AOPEP: variants seen among roughly 807,000 people sequenced by gnomAD.
AOPEP encodes the protein aminopeptidase O (putative), also known as aminopeptidase O.
AOPEP carries 77 observed loss-of-function variants against 98.1 expected under a neutral mutation model. The observed-to-expected ratio is 0.78, with a 90% CI of 0.65 to 0.95. The LOEUF (loss-of-function observed/expected upper bound fraction) is 0.95. AOPEP is among the 40% of genes least tolerant of loss of function. AOPEP has a pLI of 0.00. For missense variants in AOPEP, 1,024 were observed against 1,024.7 expected (o/e 1.00, Z 0.01); for synonymous variants, 346 against 365.3 (o/e 0.95, Z 0.60).
chr9:95,046,392 C>A (rs1188685220), intron 13 of AOPEP, among the ~76,000 whole-genome samples: 1 of 152,110 alleles, frequency 6.6e-6, no homozygotes, highest in Admixed American at 6.5e-5. Context: ...TTACTTTTGC[C>A]AAGAATGTTT....
chr9:94,964,209 G>T (rs975186558), intron 9 of AOPEP, among the ~76,000 whole-genome samples: 14 of 152,172 alleles, frequency 9.2e-5, no homozygotes, highest in African/African-American at 3.1e-4. Flanking sequence ...CCCCAGCATC[G>T]CTGGCAGCCT....
chr9:95,114,588 C>A, the AOPEP span: 2 of 1,551,872 alleles, frequency 1.3e-6, no homozygotes, highest in South Asian at 1.1e-5. Context: ...CTAGGGAAAC[C>A]ATGTGTGAAG....
intron 5 of AOPEP, among the ~76,000 whole-genome samples, chr9:94,834,745 A>T (rs952622879): frequency 6.6e-6 from 1 of 152,198 alleles, no homozygotes; most frequent in Non-Finnish European, 1.5e-5. Flanking sequence ...GTGAACAGAG[A>T]TTGCACCATT....
chr9:95,128,552 T>A, the AOPEP span, among the ~76,000 whole-genome samples: 1 of 152,202 alleles, frequency 6.6e-6, no homozygotes. Flanking sequence ...AAAATGATGA[T>A]CAGATGTAGA....
rs1280358711 is a variant in AOPEP, at chr9:94,753,850, G to C, written c.-135-5799G>C. Among the ~76,000 whole-genome samples, 3 of 152,242 alleles carry C rather than the reference G, an allele frequency of 2.0e-5. No homozygotes were observed. The East Asian group carries it at 5.8e-4, about 29-fold the overall frequency. ...AAAACGGAATTTCTAGACATCTCGT[G>C]TTTTCTTCTCAGGATACACCTGTGC... On this transcript the variant is annotated intron_variant, in intron 1 of 16. Coordinates refer to ENST00000375315, the MANE Select transcript of AOPEP (RefSeq NM_001193329.3).
At chr9:95,112,275 G>A in the AOPEP span, among the ~76,000 whole-genome samples, 2 of 152,242 alleles carry the variant, frequency 1.3e-5, no homozygotes, top group Non-Finnish European at 2.9e-5. Context: ...CTCCCTTGGA[G>A]AGGATGGAAC....
intron 5 of AOPEP, among the ~76,000 whole-genome samples, chr9:94,819,474 C>T (rs1852488624): frequency 6.6e-6 from 1 of 152,236 alleles, no homozygotes. Flanking sequence ...GCCAGCCCTC[C>T]CCGGGGCATA....
chr9:95,024,315 G>T (rs2063679671), intron 13 of AOPEP, among the ~76,000 whole-genome samples: 1 of 152,222 alleles, frequency 6.6e-6, no homozygotes, highest in Non-Finnish European at 1.5e-5. Flanking sequence ...CCGTGTCCTT[G>T]TTGGAATATC....
chr9:94,743,500 C>T (rs559607154), intron 1 of AOPEP, among the ~76,000 whole-genome samples: 82 of 152,322 alleles, frequency 5.4e-4, no homozygotes, highest in Non-Finnish European at 7.5e-4. Flanking sequence ...AGGTTATAAC[C>T]TTCTGGTCAG....
At chr9:94,730,629 G>A (rs939452310) in intron 1 of AOPEP, among the ~76,000 whole-genome samples, 12 of 152,116 alleles carry the variant, frequency 7.9e-5, no homozygotes, top group Middle Eastern at 3.4e-3. Context: ...CTCTATCTTC[G>A]GACAGAATGA....
intron 5 of AOPEP, among the ~76,000 whole-genome samples, chr9:94,811,875 G>A (rs529516341): frequency 4.2e-4 from 64 of 152,296 alleles, no homozygotes; most frequent in Non-Finnish European, 8.2e-4. Context: ...AGTGTCTCCC[G>A]TACCCTCAAA....
chr9:95,057,769 A>G (rs907149482), intron 13 of AOPEP, among the ~76,000 whole-genome samples: 1 of 152,194 alleles, frequency 6.6e-6, no homozygotes, highest in Non-Finnish European at 1.5e-5. Context: ...GAATAGTTAC[A>G]ACTAAAAGCC....
chr9:94,945,367 T>C (rs1048549097), intron 7 of AOPEP, among the ~76,000 whole-genome samples: 9 of 152,202 alleles, frequency 5.9e-5, no homozygotes, highest in Non-Finnish European at 1.0e-4. Context: ...TTGTTAACCA[T>C]TGGGCGTCAT....
chr9:94,925,340 T>A (rs2054163763), intron 6 of AOPEP, among the ~76,000 whole-genome samples: 1 of 152,234 alleles, frequency 6.6e-6, no homozygotes, highest in Non-Finnish European at 1.5e-5. Context: ...CTCTGTCCCT[T>A]ATACACTGGA....
chr9:94,816,199 G>C (rs1426891163), intron 5 of AOPEP, among the ~76,000 whole-genome samples: 1 of 152,148 alleles, frequency 6.6e-6, no homozygotes, highest in Non-Finnish European at 1.5e-5. Context: ...TGGCCTTGTA[G>C]ATAGTTCCAG....
At chr9:94,881,325 G>C (rs2047561217) in intron 5 of AOPEP, among the ~76,000 whole-genome samples, 1 of 151,596 alleles carries the variant, frequency 6.6e-6, no homozygotes, top group African/African-American at 2.4e-5. Context: ...ATGGGAGGAG[G>C]CTTATTGGTA....
chr9:94,854,534 A>G (rs918010115), intron 5 of AOPEP, among the ~76,000 whole-genome samples: 1 of 152,202 alleles, frequency 6.6e-6, no homozygotes, highest in African/African-American at 2.4e-5. Flanking sequence ...CCCTAGTGCC[A>G]AGCAGTGTCA....
intron 7 of AOPEP, among the ~76,000 whole-genome samples, chr9:94,942,985 A>G (rs114595159): frequency 0.031 from 4,704 of 151,954 alleles, 204 homozygotes; most frequent in African/African-American, 0.091. Context: ...TCAAAAACCC[A>G]AATATAAAAG....
chr9:95,024,752 T>C (rs1402227694), intron 13 of AOPEP, among the ~76,000 whole-genome samples: 1 of 152,194 alleles, frequency 6.6e-6, no homozygotes, highest in Non-Finnish European at 1.5e-5. Flanking sequence ...GGGATAAATA[T>C]AGCGTTTCCG....
Sources: allele counts gnomAD v4.1 joint callset (sites outside exome capture counted in the v4.1 genomes callset), GRCh38; gene constraint gnomAD v4.1.1; transcripts MANE v1.5; gene names NCBI Gene and HGNC (gene_info 2026-07-23, HGNC 2026-07-21).